The following CUX1 variants were observed in gnomAD, a reference collection of about 807,000 sequenced individuals.
CUX1 encodes the protein protein CASP.
In CUX1, 31 loss-of-function variants were observed where a neutral mutation model predicts 158.8. That is an observed-to-expected ratio of 0.20 (90% CI 0.15 to 0.26). The LOEUF (loss-of-function observed/expected upper bound fraction) is 0.26. Among genes scored for constraint, CUX1 ranks in the 10% least tolerant of loss-of-function variants. The pLI is 1.00. For synonymous variants in CUX1, 879 were observed against 862.1 expected (o/e 1.02, Z -0.34); for missense variants, 1,589 against 2,014.6 (o/e 0.79, Z 4.04).
chr7:102,166,130 G>C (rs1791002617), intron 9 of CUX1, among the ~76,000 whole-genome samples: 1 of 152,212 alleles, frequency 6.6e-6, no homozygotes, highest in Non-Finnish European at 1.5e-5. Flanking sequence ...ACCATCGCCA[G>C]GTGATGGGCA....
chr7:101,895,071 A>T (rs1801325618), intron 1 of CUX1, among the ~76,000 whole-genome samples: 1 of 151,940 alleles, frequency 6.6e-6, no homozygotes, highest in African/African-American at 2.4e-5. Flanking sequence ...CCCAGGCTGG[A>T]GTGCAGTGGT....
At chr7:102,038,049 C>CA (rs11449826) in intron 3 of CUX1, among the ~76,000 whole-genome samples, 82,593 of 142,272 alleles carry the variant, frequency 0.58, 23,557 homozygotes, top group Admixed American at 0.64. Context: ...GACTCTGTCT[C>CA]AAAAAAAAAA....
At chr7:101,982,349 CAGG>C in intron 2 of CUX1, among the ~76,000 whole-genome samples, 1 of 152,192 alleles carries the variant, frequency 6.6e-6, no homozygotes, top group Non-Finnish European at 1.5e-5. Context: ...GTGCAAGAGA[CAGG>C]AGGACAAGTC....
rs782710623 is a variant in CUX1 at position 102,200,061 on chromosome 7, C to T, written c.1961-10C>T. On this transcript the variant is annotated splice_polypyrimidine_tract_variant and intron_variant, in intron 16 of 23. Coordinates refer to ENST00000292535, the MANE Select transcript of CUX1 (RefSeq NM_181552.4). ...GGGTTTGATGTCATTGGCGCAACTTCTCCCCACAGGTAACATCACCACCCG... is the reference window on the plus strand; with the variant it reads ...GGGTTTGATGTCATTGGCGCAACTTTTCCCCACAGGTAACATCACCACCCG... 52 of 1,598,148 alleles carry T rather than the reference C, an allele frequency of 3.3e-5. No homozygotes were observed. Among genetic ancestry groups the T allele is most frequent in the Non-Finnish European group, 4.4e-5 (52 of 1,174,284 alleles).
chr7:102,030,689 G>GTGGTTTTTTTTTTTTTTTTTTGTTTTT (rs1820645931), intron 3 of CUX1, among the ~76,000 whole-genome samples: 5 of 82,540 alleles, frequency 6.1e-5, no homozygotes, highest in Non-Finnish European at 1.1e-4. Context: ...ATTTTAAAAA[G>GTGGTTTTTTTTTTTTTTTTTTGTTTTT]TGTTTTTTTT....
chr7:102,102,002 C>T (rs1554486587), intron 5 of CUX1, among the ~76,000 whole-genome samples: 1 of 152,054 alleles, frequency 6.6e-6, no homozygotes, highest in Non-Finnish European at 1.5e-5. Context: ...TTTTTCAGAG[C>T]TGACCTGTCT....
intron 8 of CUX1, among the ~76,000 whole-genome samples, chr7:102,132,732 C>T (rs1310127671): frequency 2.3e-5 from 3 of 131,388 alleles, no homozygotes; most frequent in Non-Finnish European, 3.1e-5. Context: ...CTTGCAGTGG[C>T]GCAATCTCTG....
intron 1 of CUX1, chr7:101,913,309 G>T: frequency 8.1e-7 from 1 of 1,230,564 alleles, no homozygotes; most frequent in Non-Finnish European, 1.1e-6. Context: ...GGAGACCCCC[G>T]TGGGTTTCCC....
rs1382281661 is a variant in CUX1 at position 102,196,588 on chromosome 7, C to T, written c.1223-46C>T. 21 of 1,401,926 alleles carry T rather than the reference C, an allele frequency of 1.5e-5. No individual in the cohort carries two copies. The Admixed American group carries it at 4.8e-4, about 32-fold the overall frequency. 86.8% of individuals were successfully genotyped at this position (1,401,926 alleles called of 1,614,324 possible). Reference sequence around the variant, plus strand: ...CATTTTGGTCTTGGTTTTTTTTTCCCCCTTTGGAATCCCCCATAATGCATT... The same window carrying T: ...CATTTTGGTCTTGGTTTTTTTTTCCTCCTTTGGAATCCCCCATAATGCATT... On this transcript the variant is annotated intron_variant, in intron 14 of 23. Coordinates refer to ENST00000292535, the MANE Select transcript of CUX1 (RefSeq NM_181552.4).
At chr7:101,991,313 G>T (rs548846755) in intron 2 of CUX1, among the ~76,000 whole-genome samples, 2 of 152,256 alleles carry the variant, frequency 1.3e-5, no homozygotes, top group Non-Finnish European at 2.9e-5. Flanking sequence ...TAAAATGTGG[G>T]CAAGAGAAGC....
At chr7:102,013,384 C>G (rs1472781992) in intron 2 of CUX1, among the ~76,000 whole-genome samples, 1 of 152,166 alleles carries the variant, frequency 6.6e-6, no homozygotes. Context: ...CAGCTCCAGC[C>G]AAGAGATATA....
intron 20 of CUX1, among the ~76,000 whole-genome samples, chr7:102,210,902 G>A (rs1396909803): frequency 6.6e-6 from 1 of 152,176 alleles, no homozygotes; most frequent in Non-Finnish European, 1.5e-5. Context: ...ACAGGTCCAC[G>A]TTCCTTTTGA....
chr7:102,039,141 C>T (rs1458981533), intron 3 of CUX1, among the ~76,000 whole-genome samples: 1 of 152,130 alleles, frequency 6.6e-6, no homozygotes, highest in East Asian at 1.9e-4. Context: ...TCTGTATACC[C>T]AGGGCCTCTC....
In CUX1 at chr7:102,099,930, A is replaced by G. The variant is rs548482361; in HGVS notation, c.406+2429A>G. 1.4e-4 allele frequency among the ~76,000 whole-genome samples: 22 copies of G among 151,996 alleles called. 1 individual carries two copies. In the East Asian group the frequency reaches 3.9e-3, roughly 27 times the overall value. On this transcript the variant is annotated intron_variant, in intron 5 of 23. Transcript: ENST00000292535. ...GGGTGTGGATGTTCTCTCCCCAAAG[A>G]TCTCATCCACACTCAGGAGTGGCTT...
chr7:102,235,358 A>T (rs776396298), intron 22 of CUX1, among the ~76,000 whole-genome samples: 45 of 152,280 alleles, frequency 3.0e-4, no homozygotes, highest in Admixed American at 2.8e-3. Flanking sequence ...TGACCGTAAG[A>T]AGCGGCAGCC....
chr7:102,073,046 C>A (rs1277796114), intron 4 of CUX1, among the ~76,000 whole-genome samples: 2 of 151,996 alleles, frequency 1.3e-5, no homozygotes, highest in Non-Finnish European at 2.9e-5. Flanking sequence ...TGTTTTCCAG[C>A]TGAGAACTTT....
At chr7:102,001,645 C>T (rs546114923) in intron 2 of CUX1, among the ~76,000 whole-genome samples, 3 of 152,144 alleles carry the variant, frequency 2.0e-5, no homozygotes, top group South Asian at 2.1e-4. Context: ...CGCCCGGCCC[C>T]GTTTGGTGTT....
intron 2 of CUX1, among the ~76,000 whole-genome samples, chr7:101,920,192 G>A (rs931642994): frequency 1.3e-5 from 2 of 151,650 alleles, no homozygotes; most frequent in African/African-American, 4.9e-5. Context: ...CACGATCTTG[G>A]CTCACTGCAA....
intron 4 of CUX1, among the ~76,000 whole-genome samples, chr7:102,093,348 G>A (rs1362025747): frequency 6.6e-6 from 1 of 152,004 alleles, no homozygotes; most frequent in Non-Finnish European, 1.5e-5. Context: ...ACCATGCCCG[G>A]CTAATTTTTG....
Sources: gnomAD v4.1 joint callset for allele counts (sites outside exome capture counted in the v4.1 genomes callset) on GRCh38, gnomAD v4.1.1 for gene constraint, MANE v1.5 for transcripts, NCBI Gene and HGNC (gene_info 2026-07-23, HGNC 2026-07-21) for gene names.